Variants in MAPT observed in about 807,000 individuals in gnomAD.
The protein encoded by MAPT is microtubule-associated protein tau.
In MAPT, 34 loss-of-function variants were observed where a neutral mutation model predicts 67.9. The observed-to-expected ratio is 0.50, with a 90% CI of 0.38 to 0.67. MAPT has a LOEUF of 0.67. Among genes scored for constraint, MAPT ranks in the 30% least tolerant of loss-of-function variants. The pLI is 0.00. For synonymous variants in MAPT, 456 were observed against 464.5 expected (o/e 0.98, Z 0.23); for missense variants, 881 against 1,115.2 (o/e 0.79, Z 2.99).
chr17:45,992,440 C>A (rs1268190347), intron 8 of MAPT, among the ~76,000 whole-genome samples: 1 of 152,162 alleles, frequency 6.6e-6, no homozygotes, highest in Non-Finnish European at 1.5e-5. Context: ...GCTTAACTTG[C>A]TAGGGACGTT....
intron 1 of MAPT, among the ~76,000 whole-genome samples, chr17:45,901,190 C>CT (rs1052788379): frequency 6.6e-6 from 1 of 152,232 alleles, no homozygotes; most frequent in Non-Finnish European, 1.5e-5. Flanking sequence ...TCTGCTGTCC[C>CT]TGCCTCATCT....
intron 1 of MAPT, among the ~76,000 whole-genome samples, chr17:45,940,423 A>C (rs2067749217): frequency 6.6e-6 from 1 of 152,226 alleles, no homozygotes; most frequent in Non-Finnish European, 1.5e-5. Flanking sequence ...ATCTGGACAG[A>C]ATCTACCCCA....
chr17:46,014,600 C>G lies in MAPT; in HGVS notation c.2173+276C>G, dbSNP rs374474404. Among the ~76,000 whole-genome samples the G allele has an allele frequency of 2.0e-5, 3 of 152,110 alleles. No homozygotes were observed. In the South Asian group the frequency reaches 6.2e-4, roughly 32 times the overall value. On this transcript the variant is annotated intron_variant, in intron 11 of 12. Coordinates refer to ENST00000262410, the MANE Select transcript of MAPT (RefSeq NM_001377265.1). ...AAGAAAGCACATATTCTCGGCCGGG[C>G]GCTGTGGCTCACGCCTGTAATTCCA...
chr17:46,025,595 T>C lies in MAPT; in HGVS notation c.*1424T>C, dbSNP rs1176437287. Reference sequence around the variant, plus strand: ...TCTGATTCGGTTCCCTGTCTCCTCCTCCCGTCACAGATGTGAGCCAGGGCA... The same window carrying C: ...TCTGATTCGGTTCCCTGTCTCCTCCCCCCGTCACAGATGTGAGCCAGGGCA... On this transcript the variant is annotated 3_prime_UTR_variant, in exon 13 of 13. Coordinates refer to ENST00000262410, the MANE Select transcript of MAPT (RefSeq NM_001377265.1). 2.0e-5 allele frequency: 3 copies of C among 152,708 alleles called. No homozygotes were observed. Among genetic ancestry groups the C allele is most frequent in the Middle Eastern group, 3.4e-3 (1 of 294 alleles). The allele number at this position is 152,708 out of a possible 1,614,324, so 9.5% of individuals were successfully genotyped here.
At chr17:45,960,210 G>A (rs1008905898) in intron 1 of MAPT, among the ~76,000 whole-genome samples, 2 of 152,238 alleles carry the variant, frequency 1.3e-5, no homozygotes, top group African/African-American at 4.8e-5. Context: ...TTTCAAATGT[G>A]ATCAGAATGT....
intron 1 of MAPT, among the ~76,000 whole-genome samples, chr17:45,933,762 A>T (rs899346724): frequency 1.3e-5 from 2 of 150,408 alleles, no homozygotes; most frequent in African/African-American, 4.9e-5. Context: ...CAGTCACTTG[A>T]CCTTCTTCCC....
At chr17:45,965,417 G>A (rs56294117) in intron 2 of MAPT, among the ~76,000 whole-genome samples, 21,574 of 150,642 alleles carry the variant, frequency 0.14, 2,111 homozygotes, top group Non-Finnish European at 0.22. Flanking sequence ...GTGACAGAGT[G>A]AGACTCCGTC....
intron 9 of MAPT, among the ~76,000 whole-genome samples, chr17:46,006,552 G>A (rs1368811722): frequency 1.3e-5 from 2 of 152,122 alleles, no homozygotes; most frequent in African/African-American, 4.8e-5. Context: ...GTAATTTATA[G>A]TACATTTAAA....
At position 45,983,503 on chromosome 17, in the gene MAPT, TC is replaced by T; in HGVS notation, c.927del (p.Ser310ProfsTer55). 7 of 1,612,008 alleles carry T rather than the reference TC, an allele frequency of 4.3e-6. No individual in the cohort carries two copies. The highest frequency in any genetic ancestry group is 5.9e-6 in the Non-Finnish European group (7 of 1,179,368). The stretch of plus-strand genomic sequence containing the variant: ...ATGAGTCCTCCCCCCAAGACTCCCC[TC>T]CCTCCAAGGCCTCCCCAGCCCAAGA... The part of the protein sequence containing the change: ...VDESSPQDSP[P>X]SKASPAQDGR... On this transcript the variant is annotated frameshift_variant, in exon 5 of 13. Coordinates refer to ENST00000262410, the MANE Select transcript of MAPT (RefSeq NM_001377265.1). LOFTEE classifies it high-confidence loss of function.
intron 1 of MAPT, among the ~76,000 whole-genome samples, chr17:45,904,216 T>TGTATA (rs2064048930): frequency 2.1e-5 from 1 of 47,422 alleles, no homozygotes; most frequent in African/African-American, 7.3e-5. Flanking sequence ...ATATATTATA[T>TGTATA]ATATTATATA....
At chr17:45,997,952 C>G (rs2074639426) in intron 9 of MAPT, among the ~76,000 whole-genome samples, 1 of 152,056 alleles carries the variant, frequency 6.6e-6, no homozygotes, top group Non-Finnish European at 1.5e-5. Context: ...AGCCCAGGAC[C>G]CCGCTCCCGC....
intron 4 of MAPT, among the ~76,000 whole-genome samples, chr17:45,981,783 G>A (rs939907672): frequency 6.6e-6 from 1 of 151,992 alleles, no homozygotes; most frequent in Non-Finnish European, 1.5e-5. Context: ...TAATCCCAGA[G>A]GCAAGAGAAT....
At position 46,010,405 on chromosome 17, in the gene MAPT, G is replaced by C. The variant is rs63750013; in HGVS notation, c.2091+3G>C. Reference sequence around the variant, plus strand: ...AACACGTCCCGGGAGGCGGCAGTGTGAGTACCTTCACACGTCCCATGCGCC... The same window carrying C: ...AACACGTCCCGGGAGGCGGCAGTGTCAGTACCTTCACACGTCCCATGCGCC... On this transcript the variant is annotated splice_donor_region_variant and intron_variant, in intron 10 of 12. Transcript: ENST00000262410. This position sits in a 1 kb window ranked among gnomAD's most constrained non-coding sequence, Gnocchi z 4.7. 1 of 1,564,116 alleles carries C rather than the reference G, an allele frequency of 6.4e-7. No individual in the cohort carries two copies. Among genetic ancestry groups the C allele is most frequent in the South Asian group, 1.2e-5 (1 of 85,036 alleles).
At chr17:45,986,902 G>C in intron 5 of MAPT, 138 bp from the exon 6 acceptor site, 3 of 718,862 alleles carry the variant, frequency 4.2e-6, no homozygotes, top group Non-Finnish European at 7.4e-6. Context: ...CAAGGGAAAA[G>C]AGAACCAACT....
At chr17:46,014,357 A>C in intron 11 of MAPT, 33 bp downstream of exon 11, 1 of 1,243,258 alleles carries the variant, frequency 8.0e-7, no homozygotes, top group Non-Finnish European at 1.2e-6. Flanking sequence ...TTGGGACGGG[A>C]GGGTGCAGGG....
intron 1 of MAPT, among the ~76,000 whole-genome samples, chr17:45,924,919 T>G (rs2066134561): frequency 1.3e-5 from 2 of 152,214 alleles, no homozygotes; most frequent in Non-Finnish European, 2.9e-5. Flanking sequence ...TGCTTGGATC[T>G]TGGTGCTGAA....
In MAPT at chr17:46,024,841, G is replaced by A. The variant is rs753718859; in HGVS notation, c.*670G>A. On this transcript the variant is annotated 3_prime_UTR_variant, in exon 13 of 13. Transcript: ENST00000262410. ...AGCCAAGGCCTATGCCACCTGCAGC[G>A]TCTGAGCGGCCGCCTGTCCTTGGTG... 31 of 159,692 alleles carry A rather than the reference G, an allele frequency of 1.9e-4. No individual in the cohort carries two copies. Among genetic ancestry groups the A allele is most frequent in the Non-Finnish European group, 3.4e-4 (25 of 72,498 alleles). 9.9% of individuals were successfully genotyped at this position (159,692 alleles called of 1,614,324 possible).
At chr17:45,934,774 G>A (rs150149011) in intron 1 of MAPT, among the ~76,000 whole-genome samples, 7 of 152,316 alleles carry the variant, frequency 4.6e-5, no homozygotes, top group African/African-American at 1.7e-4. Flanking sequence ...TTGACTAGCT[G>A]AGTGACTTTG....
rs2065127398 is a variant in MAPT at position 45,915,458 on chromosome 17, A to ATGAGCATGTGTGGTG, written c.-18+20774_-18+20775insAGCATGTGTGGTGTG. ...GGTGTGTAAGCATGTGTGAGTGTGT[A>ATGAGCATGTGTGGTG]TGTTTGAGCATGTGTGGTGTGTTGT... On this transcript the variant is annotated intron_variant, in intron 1 of 12. Transcript: ENST00000262410. This position sits in a 1 kb window ranked among gnomAD's most constrained non-coding sequence, Gnocchi z 4.4. Among the ~76,000 whole-genome samples the ATGAGCATGTGTGGTG allele has an allele frequency of 2.7e-5, 3 of 109,764 alleles. No individual in the cohort carries two copies. Among genetic ancestry groups the ATGAGCATGTGTGGTG allele is most frequent in the Non-Finnish European group, 7.0e-5 (3 of 42,838 alleles). The allele number at this position is 109,764 out of a possible 152,430, so 72.0% of individuals were successfully genotyped here. A position where few individuals can be genotyped will look rare whatever the true frequency, so the allele number is the denominator to read the frequency against.
Sources: gnomAD v4.1 joint callset for allele counts (sites outside exome capture counted in the v4.1 genomes callset) on GRCh38, gnomAD v4.1.1 for gene constraint, Gnocchi (gnomAD v3.1) non-coding constraint, MANE v1.5 for transcripts, NCBI Gene and HGNC (gene_info 2026-07-23, HGNC 2026-07-21) for gene names.